RIMS1: variants seen among roughly 807,000 people sequenced by gnomAD.
RIMS1 encodes the protein regulating synaptic membrane exocytosis protein 1.
RIMS1 carries 83 observed loss-of-function variants against 214.1 expected under a neutral mutation model. The observed-to-expected ratio is 0.39, with a 90% CI of 0.32 to 0.47. RIMS1 has a LOEUF of 0.47. RIMS1 is among the 20% of genes least tolerant of loss of function. The pLI is 0.99. For missense variants in RIMS1, 2,050 were observed against 2,161.8 expected (o/e 0.95, Z 1.03); for synonymous variants, 793 against 786.8 (o/e 1.01, Z -0.13).
intron 22 of RIMS1, among the ~76,000 whole-genome samples, chr6:72,269,354 A>G (rs1382521520): frequency 1.3e-5 from 2 of 152,124 alleles, no homozygotes; most frequent in Non-Finnish European, 2.9e-5. Context: ...TCCTATAAAG[A>G]TAGGTATTTC....
At chr6:72,276,319 G>C (rs1232704865) in intron 23 of RIMS1, among the ~76,000 whole-genome samples, 1 of 152,160 alleles carries the variant, frequency 6.6e-6, no homozygotes, top group East Asian at 1.9e-4. Context: ...TATTGATTGA[G>C]TATAGGAAAA....
intron 10 of RIMS1, among the ~76,000 whole-genome samples, chr6:72,245,083 G>T (rs926055048): frequency 6.6e-6 from 1 of 151,754 alleles, no homozygotes; most frequent in African/African-American, 2.4e-5. Context: ...GGTCATAGTG[G>T]GTAATGGATT....
At position 72,135,963 on chromosome 6, in the gene RIMS1, C is replaced by A. The variant is rs577385084; in HGVS notation, c.471+35977C>A. Among the ~76,000 whole-genome samples, 25 of 152,128 alleles carry A rather than the reference C, an allele frequency of 1.6e-4. No homozygotes were observed. In the South Asian group the frequency reaches 5.0e-3, roughly 30 times the overall value. On this transcript the variant is annotated intron_variant, in intron 4 of 33. Transcript: ENST00000521978. ...ATTCCAGAATGAACAAAGATGATTC[C>A]ATGACATTTGAAATAACAAAGATTT... is the stretch of plus-strand genomic sequence containing the variant.
chr6:72,384,343 C>G (rs1182717986), intron 29 of RIMS1, among the ~76,000 whole-genome samples: 1 of 152,096 alleles, frequency 6.6e-6, no homozygotes, highest in Non-Finnish European at 1.5e-5. Flanking sequence ...CTCTCATTCC[C>G]TCTTCTGACT....
intron 2 of RIMS1, among the ~76,000 whole-genome samples, chr6:71,982,692 C>A (rs1375170263): frequency 1.3e-5 from 2 of 152,166 alleles, no homozygotes; most frequent in Non-Finnish European, 2.9e-5. Flanking sequence ...AATCGTCTCA[C>A]ATCTGTTCCT....
chr6:71,932,530 A>T (rs1316908961), intron 1 of RIMS1, among the ~76,000 whole-genome samples: 1 of 152,058 alleles, frequency 6.6e-6, no homozygotes, highest in African/African-American at 2.4e-5. Context: ...TGGATGCTAG[A>T]CTTAAAATCC....
intron 20 of RIMS1, 146 bp from the exon 21 acceptor site, chr6:72,265,244 A>G (rs998975245): frequency 3.3e-6 from 2 of 601,738 alleles, no homozygotes; most frequent in African/African-American, 1.9e-5. Flanking sequence ...TAACTATAAA[A>G]CTTAGTACTA....
intron 2 of RIMS1, among the ~76,000 whole-genome samples, chr6:72,027,615 C>A (rs767472815): frequency 1.3e-5 from 2 of 152,050 alleles, no homozygotes; most frequent in Non-Finnish European, 2.9e-5. Context: ...GAAATGTACA[C>A]TTGACTCTCT....
intron 4 of RIMS1, among the ~76,000 whole-genome samples, chr6:72,148,907 G>C (rs892298975): frequency 2.6e-5 from 4 of 152,006 alleles, no homozygotes; most frequent in African/African-American, 9.7e-5. Context: ...CTAAGGTGAA[G>C]TTGTGGAACC....
intron 2 of RIMS1, among the ~76,000 whole-genome samples, chr6:72,051,451 T>C (rs1394414190): frequency 6.6e-6 from 1 of 152,206 alleles, no homozygotes; most frequent in Non-Finnish European, 1.5e-5. Context: ...GGTCACACGC[T>C]AGTAAGTGGT....
intron 1 of RIMS1, among the ~76,000 whole-genome samples, chr6:71,943,185 T>C (rs1272802442): frequency 6.6e-6 from 1 of 152,158 alleles, no homozygotes; most frequent in Non-Finnish European, 1.5e-5. Context: ...GCTTGAACTA[T>C]TTTTAGGTGA....
intron 1 of RIMS1, among the ~76,000 whole-genome samples, chr6:71,905,062 T>A (rs1403599021): frequency 1.3e-5 from 2 of 152,186 alleles, no homozygotes; most frequent in African/African-American, 4.8e-5. Context: ...ATAGGGCAAC[T>A]ATGGCATATG....
chr6:72,356,875 C>A (rs1043373165), intron 29 of RIMS1, among the ~76,000 whole-genome samples: 8 of 152,136 alleles, frequency 5.3e-5, no homozygotes, highest in Non-Finnish European at 8.8e-5. Context: ...TATAAAAGAG[C>A]ATTCTTCTCT....
intron 29 of RIMS1, among the ~76,000 whole-genome samples, chr6:72,367,291 A>G (rs1030225428): frequency 3.9e-5 from 6 of 152,184 alleles, no homozygotes; most frequent in African/African-American, 1.4e-4. Context: ...TGTCAGCTAT[A>G]CTGTATACAA....
intron 25 of RIMS1, 82 bp downstream of exon 25, chr6:72,290,943 G>A: frequency 1.6e-6 from 2 of 1,275,364 alleles, no homozygotes; most frequent in Non-Finnish European, 2.2e-6. Flanking sequence ...AGCACTTGAA[G>A]CTTTCACTCA....
chr6:72,239,953 A>T (rs2066004503), intron 9 of RIMS1, among the ~76,000 whole-genome samples: 1 of 152,138 alleles, frequency 6.6e-6, no homozygotes, highest in Non-Finnish European at 1.5e-5. Context: ...AAGTTGCCTT[A>T]ATTCTGAAGT....
intron 24 of RIMS1, 80 bp downstream of exon 24, chr6:72,284,198 A>T (rs2091462453): frequency 8.3e-7 from 1 of 1,201,046 alleles, no homozygotes; most frequent in African/African-American, 1.5e-5. Flanking sequence ...ATTTTACATG[A>T]TCAGTTCTTA....
intron 28 of RIMS1, 36 bp downstream of exon 28, chr6:72,313,708 T>C: frequency 6.4e-7 from 1 of 1,553,242 alleles, no homozygotes; most frequent in Non-Finnish European, 8.7e-7. Flanking sequence ...AACTGGATCT[T>C]TATCTGTGAT....
intron 4 of RIMS1, among the ~76,000 whole-genome samples, chr6:72,173,691 T>C (rs2047335861): frequency 6.6e-6 from 1 of 152,214 alleles, no homozygotes; most frequent in Admixed American, 6.5e-5. Context: ...AATTCTTCTC[T>C]ATGTTGATTT....
Sources: gnomAD v4.1 joint callset for allele counts (sites outside exome capture counted in the v4.1 genomes callset) on GRCh38, gnomAD v4.1.1 for gene constraint, MANE v1.5 for transcripts, NCBI Gene and HGNC (gene_info 2026-07-23, HGNC 2026-07-21) for gene names.